UNC13A: variants seen among roughly 807,000 people sequenced by gnomAD.
The protein encoded by UNC13A is protein unc-13 homolog A.
A neutral mutation model predicts 219.7 loss-of-function variants in UNC13A; 61 were observed. The observed-to-expected ratio is 0.28, with a 90% confidence interval of 0.23 to 0.34. The LOEUF is 0.34. UNC13A is among the 10% of genes least tolerant of loss of function. The pLI is 1.00. For missense variants in UNC13A, 1,476 were observed against 2,270.3 expected, an observed-to-expected ratio of 0.65 and a Z score of 7.11; for synonymous variants, 920 against 884.6, an observed-to-expected ratio of 1.04 and a Z score of -0.71.
At chr19:17,622,715 T>G (rs538546936) in intron 36 of UNC13A, 1 of 153,588 alleles carries the variant, frequency 6.5e-6, no homozygotes, top group African/African-American at 2.4e-5. Context: ...TCACTGAGAG[T>G]GCAGTGGCGC....
intron 1 of UNC13A, among the ~76,000 whole-genome samples, chr19:17,686,433 C>G (rs1420873736): frequency 6.6e-6 from 1 of 151,452 alleles, no homozygotes; most frequent in African/African-American, 2.4e-5. Context: ...ACACCCACGT[C>G]GGAACCTCCT....
At position 17,641,535 on chromosome 19, in the gene UNC13A, C is replaced by T. The variant is rs773374321; in HGVS notation, c.2494G>A (p.Asp832Asn). Residue 832 changes from aspartate (D) to asparagine (N), a missense_variant, in exon 21 of 44, where the codon GAC becomes AAC. Asp to Asn is a conservative substitution (Grantham distance 23). Transcript: ENST00000519716. ...TTCACGACCCCATTGTTCTGCACGTCGGTCACGAAGTGGAACAGGTTCTGC... is the reference window on the plus strand; with the variant it reads ...TTCACGACCCCATTGTTCTGCACGTTGGTCACGAAGTGGAACAGGTTCTGC... ...LHENLFHFVT[D>N]VQNNGVVKIP... 4.3e-6 allele frequency: 7 copies of T among 1,613,904 alleles called. No individual in the cohort carries two copies. The highest frequency in any genetic ancestry group is 5.9e-6 in the Non-Finnish European group (7 of 1,179,876).
At chr19:17,667,024 C>T (rs896632978) in intron 6 of UNC13A, among the ~76,000 whole-genome samples, 32 of 152,100 alleles carry the variant, frequency 2.1e-4, no homozygotes, top group African/African-American at 6.5e-4. Flanking sequence ...GAGGCCGAAG[C>T]GGGCAGATCA....
At chr19:17,659,294 T>C (rs1448706775) in intron 8 of UNC13A, among the ~76,000 whole-genome samples, 1 of 147,552 alleles carries the variant, frequency 6.8e-6, no homozygotes, top group Non-Finnish European at 1.5e-5. Context: ...AATACAAAAA[T>C]TAGCCAGGTG....
intron 43 of UNC13A, among the ~76,000 whole-genome samples, chr19:17,607,181 A>AT (rs2076540897): frequency 6.6e-6 from 1 of 152,160 alleles, no homozygotes; most frequent in Non-Finnish European, 1.5e-5. Context: ...ATCTTGTCCC[A>AT]TAAGAGCTCC....
chr19:17,643,061 G>T, intron 19 of UNC13A, 101 bp from the exon 20 acceptor site: 2 of 871,762 alleles, frequency 2.3e-6, no homozygotes, highest in Non-Finnish European at 1.8e-6. Context: ...ACCCAGGCTG[G>T]AGTGCAGTGG....
At chr19:17,623,376 C>A in intron 36 of UNC13A, 166 bp downstream of exon 36, 2 of 541,264 alleles carry the variant, frequency 3.7e-6, no homozygotes, top group Non-Finnish European at 6.4e-6. Context: ...CCCGCCCCCT[C>A]CCCATGCCCC....
Position 17,623,554 on chromosome 19 carries a change from T to A in UNC13A, c.4198-7A>T. The A allele has an allele frequency of 1.8e-6, 2 of 1,112,844 alleles. No homozygotes were observed. Among genetic ancestry groups the A allele is most frequent in the Non-Finnish European group, 2.5e-6 (2 of 807,440 alleles). 68.9% of individuals were successfully genotyped at this position (1,112,844 alleles called of 1,614,324 possible). A position where few individuals can be genotyped will look rare whatever the true frequency, so the allele number is the denominator to read the frequency against. The stretch of plus-strand genomic sequence containing the variant: ...GGACTCTACTTACGATCATCTGTCA[T>A]CCGTGATGGGGGCGGGGCGGTGGGG... On this transcript the variant is annotated splice_polypyrimidine_tract_variant and splice_region_variant and intron_variant, in intron 35 of 43. Transcript: ENST00000519716.
intron 36 of UNC13A, among the ~76,000 whole-genome samples, chr19:17,622,103 A>G (rs2076735548): frequency 6.6e-6 from 1 of 152,188 alleles, no homozygotes. Flanking sequence ...GGAAAGAGAG[A>G]GAAAGATACA....
At position 17,653,688 on chromosome 19, in the gene UNC13A, T is replaced by C. The variant is rs180795197; in HGVS notation, c.1393-1011A>G. On this transcript the variant is annotated intron_variant, in intron 11 of 43. Transcript: ENST00000519716. Reference sequence around the variant, plus strand: ...ATTTTTTTCTTTTAGAGATGAGGTCTCACTACGTTGCCCAGGCTGGTCTCA... The same window carrying C: ...ATTTTTTTCTTTTAGAGATGAGGTCCCACTACGTTGCCCAGGCTGGTCTCA... 2.0e-5 allele frequency among the ~76,000 whole-genome samples: 3 copies of C among 151,776 alleles called. No individual in the cohort carries two copies. In the East Asian group the frequency reaches 5.8e-4, roughly 30 times the overall value.
chr19:17,681,830 G>A (rs1428546672), intron 1 of UNC13A, among the ~76,000 whole-genome samples: 2 of 152,168 alleles, frequency 1.3e-5, no homozygotes, highest in Non-Finnish European at 2.9e-5. Context: ...GAGTGGCCCT[G>A]GGGGACCCCT....
In UNC13A at chr19:17,625,618, T is replaced by C. The variant is rs1003177598; in HGVS notation, c.4074-666A>G. ...TTATCCATTTATCTATCCATCCACC[T>C]GTCCATTCATCCATCTGTCCATCCA... On this transcript the variant is annotated intron_variant, in intron 34 of 43. Coordinates refer to ENST00000519716, the MANE Select transcript of UNC13A (RefSeq NM_001080421.3). Among the ~76,000 whole-genome samples, 3 of 151,944 alleles carry C rather than the reference T, an allele frequency of 2.0e-5. No homozygotes were observed. The East Asian group carries it at 5.8e-4, about 29-fold the overall frequency.
At chr19:17,636,527 T>C (rs2076914345) in intron 25 of UNC13A, among the ~76,000 whole-genome samples, 1 of 152,228 alleles carries the variant, frequency 6.6e-6, no homozygotes, top group South Asian at 2.1e-4. Flanking sequence ...GAACTGAACT[T>C]GGGCCAATCA....
Position 17,649,696 on chromosome 19 carries a change from C to CT in UNC13A, c.1440-110dup. On this transcript the variant is annotated intron_variant, in intron 12 of 43. Coordinates refer to ENST00000519716, the MANE Select transcript of UNC13A (RefSeq NM_001080421.3). This position sits in a 1 kb window ranked among gnomAD's most constrained non-coding sequence, Gnocchi z 4.4. ...GGTGTTAAGGGGTTGAATTGGGTCC[C>CT]TCAAAAAAAAGATACGCTGATGCCC... 7.9e-7 allele frequency: 1 copy of CT among 1,262,902 alleles called. No homozygotes were observed. Among genetic ancestry groups the CT allele is most frequent in the Non-Finnish European group, 1.1e-6 (1 of 879,922 alleles). 78.2% of individuals were successfully genotyped at this position (1,262,902 alleles called of 1,614,324 possible).
At chr19:17,615,543 G>A (rs1295507713) in intron 41 of UNC13A, among the ~76,000 whole-genome samples, 2 of 152,192 alleles carry the variant, frequency 1.3e-5, no homozygotes, top group Admixed American at 6.5e-5. Context: ...GCCAGGCGTG[G>A]TGGTGCGGGC....
At chr19:17,663,258 T>C (rs1340462335) in intron 8 of UNC13A, among the ~76,000 whole-genome samples, 2 of 151,604 alleles carry the variant, frequency 1.3e-5, no homozygotes, top group Non-Finnish European at 2.9e-5. Flanking sequence ...GACAAGCAGG[T>C]TGTTGGTCTA....
At chr19:17,637,194 C>T (rs553541239) in intron 25 of UNC13A, among the ~76,000 whole-genome samples, 7 of 152,160 alleles carry the variant, frequency 4.6e-5, no homozygotes, top group Admixed American at 1.3e-4. Flanking sequence ...AAACTGGTCT[C>T]GAGCTCCTGG....
At position 17,623,534 on chromosome 19, in the gene UNC13A, C is replaced by A; in HGVS notation, c.4203+8G>T. ...GACAGACAGACGGACAGACGGGACT[C>A]TACTTACGATCATCTGTCATCCGTG... On this transcript the variant is annotated splice_region_variant and intron_variant, in intron 36 of 43. Coordinates refer to ENST00000519716, the MANE Select transcript of UNC13A (RefSeq NM_001080421.3). The A allele has an allele frequency of 6.8e-7, 1 of 1,472,408 alleles. No individual in the cohort carries two copies. The allele number at this position is 1,472,408 out of a possible 1,614,324, so 91.2% of individuals were successfully genotyped here.
intron 34 of UNC13A, among the ~76,000 whole-genome samples, chr19:17,625,386 G>C (rs975643885): frequency 2.0e-5 from 3 of 152,062 alleles, no homozygotes; most frequent in Non-Finnish European, 2.9e-5. Flanking sequence ...GACTTGAAAG[G>C]GAAAACAGCA....
Sources: gnomAD v4.1 joint callset for allele counts (sites outside exome capture counted in the v4.1 genomes callset) on GRCh38, gnomAD v4.1.1 for gene constraint, Gnocchi (gnomAD v3.1) non-coding constraint, MANE v1.5 for transcripts, NCBI Gene and HGNC (gene_info 2026-07-23, HGNC 2026-07-21) for gene names.